The following LRRC71 variants were observed in gnomAD, a reference collection of about 807,000 sequenced individuals.
The protein encoded by LRRC71 is leucine-rich repeat-containing protein 71.
A neutral mutation model predicts 66.6 loss-of-function variants in LRRC71; 54 were observed. The ratio of observed to expected loss-of-function variants is 0.81; its 90% CI spans 0.65 to 1.02. The LOEUF (loss-of-function observed/expected upper bound fraction) is 1.02, where lower values mean the gene tolerates loss of function less well. LRRC71 is among the 50% of genes least tolerant of loss of function. LRRC71 has a pLI of 0.00. For missense variants in LRRC71, 724 were observed against 718.0 expected (o/e 1.01, Z -0.10); for synonymous variants, 323 against 303.9 (o/e 1.06, Z -0.65).
chr1:156,922,301 G>A (rs1652511562), intron 1 of LRRC71, among the ~76,000 whole-genome samples: 1 of 152,112 alleles, frequency 6.6e-6, no homozygotes, highest in Non-Finnish European at 1.5e-5. Flanking sequence ...AGGATGGCAG[G>A]GAAACCTGAG....
chr1:156,926,211 T>C (rs549856252), intron 5 of LRRC71, among the ~76,000 whole-genome samples: 1 of 152,330 alleles, frequency 6.6e-6, no homozygotes, highest in Non-Finnish European at 1.5e-5. Flanking sequence ...ATTCAGTGGC[T>C]TAAAAGGACA....
At chr1:156,936,497 A>AATAT (rs1553192804), downstream of LRRC71, among the ~76,000 whole-genome samples, 227 of 33,928 alleles carry the variant, frequency 6.7e-3, 1 homozygote, top group Admixed American at 7.4e-3. Context: ...AAAAAAAAAA[A>AATAT]ATATATATAT....
the LRRC71 span, chr1:156,940,157 G>A: frequency 5.9e-6 from 9 of 1,517,862 alleles, no homozygotes; most frequent in East Asian, 1.6e-4. Context: ...GTTCACACTG[G>A]GTGTGCGACT....
Position 156,920,733 on chromosome 1 carries a change from G to A in LRRC71, c.-71G>A, listed in dbSNP as rs946608075. 7.1e-7 allele frequency: 1 copy of A among 1,402,170 alleles called. No individual in the cohort carries two copies. Among genetic ancestry groups the A allele is most frequent in the Non-Finnish European group, 9.3e-7 (1 of 1,075,142 alleles). The allele number at this position is 1,402,170 out of a possible 1,614,324, so 86.9% of individuals were successfully genotyped here. The stretch of plus-strand genomic sequence containing the variant: ...CCCCTGATTCAGCCACCCCCAGACT[G>A]AGCCCCGTAGAGTGCGTTCTTACCT... On this transcript the variant is annotated 5_prime_UTR_variant, in exon 1 of 15. Transcript: ENST00000337428. This position sits in a 1 kb window ranked among gnomAD's most constrained non-coding sequence, Gnocchi z 4.9.
chr1:156,936,493 AAAAAATAT>A (rs1476664788), downstream of LRRC71, among the ~76,000 whole-genome samples: 186 of 62,382 alleles, frequency 3.0e-3, no homozygotes, highest in African/African-American at 0.012. Flanking sequence ...AAAAAAAAAA[AAAAAATAT>A]ATATATATAT....
chr1:156,925,200 G>A (rs148885197), intron 5 of LRRC71, among the ~76,000 whole-genome samples, 185 bp downstream of exon 5: 42 of 152,254 alleles, frequency 2.8e-4, no homozygotes, highest in Admixed American at 1.2e-3. Context: ...AGCCAGGTCC[G>A]CTTTTCTGCC....
intron 5 of LRRC71, among the ~76,000 whole-genome samples, chr1:156,926,050 A>G (rs1446209045): frequency 6.6e-6 from 1 of 152,196 alleles, no homozygotes; most frequent in Non-Finnish European, 1.5e-5. Context: ...ATGGGAGCAA[A>G]TTTTTACATA....
In LRRC71 at chr1:156,931,906, G is replaced by A. The variant is rs1448318383; in HGVS notation, c.1330-10G>A. On this transcript the variant is annotated splice_polypyrimidine_tract_variant and intron_variant, in intron 12 of 14. Transcript: ENST00000337428. ...TGCTGTCTGCTGCAATTAGTATTCT[G>A]CTTTAGCAGCTGGTTGTTGAGGCTA... 11 of 1,567,150 alleles carry A rather than the reference G, an allele frequency of 7.0e-6. No homozygotes were observed. Among genetic ancestry groups the A allele is most frequent in the South Asian group, 2.3e-5 (2 of 85,176 alleles).
the LRRC71 span, chr1:156,940,088 C>A: frequency 1.4e-6 from 2 of 1,409,012 alleles, no homozygotes; most frequent in Non-Finnish European, 1.9e-6. Flanking sequence ...CCGCATCCAT[C>A]TCTCCTCAAG....
Position 156,924,673 on chromosome 1 carries a change from T to C in LRRC71, c.470T>C (p.Val157Ala), listed in dbSNP as rs1202807346. Residue 157 changes from valine (V) to alanine (A), a missense_variant, in exon 4 of 15, where the codon GTC becomes GCC. Transcript: ENST00000337428. ...GWKVEERILG[V>A]FSKCLPPLTQ... is the part of the protein sequence containing the mutation. Reference sequence around the variant, plus strand: ...AAGGTTGAGGAACGGATTCTGGGTGTCTTCTCTAAATGTCTGCCCCCGCTT... The same window carrying C: ...AAGGTTGAGGAACGGATTCTGGGTGCCTTCTCTAAATGTCTGCCCCCGCTT... 1.3e-6 allele frequency: 2 copies of C among 1,551,390 alleles called. No homozygotes were observed. Among genetic ancestry groups the C allele is most frequent in the African/African-American group, 1.4e-5 (1 of 72,992 alleles).
In LRRC71 at chr1:156,924,950, G is replaced by A. The variant is rs1652972620; in HGVS notation, c.528G>A (p.Val176=). The A allele has an allele frequency of 6.4e-7, 1 of 1,551,578 alleles. No individual in the cohort carries two copies. Among genetic ancestry groups the A allele is most frequent in the Admixed American group, 2.0e-5 (1 of 50,990 alleles). ...CCGCCCACGACAGCTTGTGGAAGGT[G>A]GGGCTGACCGATAAGACCCTGACCA... The part of the protein sequence containing the change: ...TQLQAINLWK[V]GLTDKTLTTF... The change falls in exon 5 of 15, where the codon GTG becomes GTA. Residue 176 remains valine (V), a synonymous_variant. Transcript: ENST00000337428.
chr1:156,924,780 G>A lies in LRRC71; in HGVS notation c.515+62G>A. 3 of 1,539,538 alleles carry A rather than the reference G, an allele frequency of 1.9e-6. No homozygotes were observed. The African/African-American group carries it at 4.1e-5, about 21-fold the overall frequency. On this transcript the variant is annotated intron_variant, in intron 4 of 14. Transcript: ENST00000337428. ...TGGGAGTTGGGGCTCCTGGTGGCTT[G>A]GGAGAGAGAACCAAGGGGCATGGGA...
chr1:156,936,108 T>C (rs1243087258), downstream of LRRC71: 3 of 1,568,092 alleles, frequency 1.9e-6, no homozygotes, highest in East Asian at 4.5e-5. Flanking sequence ...AGGTGACCGC[T>C]TCCACATGTT....
chr1:156,938,367 T>C, the LRRC71 span: 6 of 1,560,350 alleles, frequency 3.8e-6, no homozygotes, highest in Non-Finnish European at 5.3e-6. Context: ...CCCTCACAGG[T>C]TCCACACTCC....
intron 13 of LRRC71, 41 bp from the exon 14 acceptor site, chr1:156,932,383 C>G: frequency 2.0e-6 from 3 of 1,531,634 alleles, no homozygotes; most frequent in Non-Finnish European, 2.7e-6. Flanking sequence ...GCCAATGAGG[C>G]CTGTGGTGCT....
Position 156,927,990 on chromosome 1 carries a change from G to A in LRRC71, c.982G>A (p.Glu328Lys), listed in dbSNP as rs2101626846. 1 of 1,604,430 alleles carries A rather than the reference G, an allele frequency of 6.2e-7. No individual in the cohort carries two copies. Among genetic ancestry groups the A allele is most frequent in the African/African-American group, 1.3e-5 (1 of 74,868 alleles). The change falls in exon 9 of 15, where the codon GAG (glutamate) becomes AAG (lysine). Residue 328 changes from glutamate (E) to lysine (K), a missense_variant. By Grantham distance (56) the Glu-to-Lys change is moderately conservative. Coordinates refer to ENST00000337428, the MANE Select transcript of LRRC71 (RefSeq NM_144702.3). Reference protein sequence around the residue: ...RRLLLEKGTQERSRSPSSSRH... With the variant: ...RRLLLEKGTQKRSRSPSSSRH... ...CCTCCTGCTGGAAAAAGGGACACAGGAGCGCTCGCGATCGGTGAGGAGCTA... is the reference window on the plus strand; with the variant it reads ...CCTCCTGCTGGAAAAAGGGACACAGAAGCGCTCGCGATCGGTGAGGAGCTA...
At chr1:156,927,130 C>T in intron 5 of LRRC71, 72 bp from the exon 6 acceptor site, 1 of 1,355,174 alleles carries the variant, frequency 7.4e-7, no homozygotes, top group Non-Finnish European at 1.0e-6. Context: ...GAGACGCACA[C>T]TTCCTCTCTG....
chr1:156,936,355 G>A (rs146713426), downstream of LRRC71: 8 of 489,660 alleles, frequency 1.6e-5, no homozygotes, highest in Non-Finnish European at 2.4e-5. Flanking sequence ...GTCTTAGGCC[G>A]ACACCATGGT....
intron 11 of LRRC71, among the ~76,000 whole-genome samples, chr1:156,930,044 C>CTTTTTT (rs1553189668): frequency 7.8e-6 from 1 of 127,906 alleles, no homozygotes; most frequent in Non-Finnish European, 1.6e-5. Context: ...TTCTTTCTTT[C>CTTTTTT]TCTTTCTTTC....
Sources: allele counts gnomAD v4.1 joint callset (sites outside exome capture counted in the v4.1 genomes callset), GRCh38; gene constraint gnomAD v4.1.1; non-coding constraint Gnocchi (gnomAD v3.1); transcripts MANE v1.5; gene names NCBI Gene and HGNC (gene_info 2026-07-23, HGNC 2026-07-21).